ASPM: variants seen among roughly 807,000 people sequenced by gnomAD.
ASPM encodes the protein assembly factor for spindle microtubules.
Under a neutral mutation model 366.4 loss-of-function variants are expected in ASPM, and 256 were observed. That is an observed-to-expected ratio of 0.70 (90% confidence interval 0.63 to 0.77). The LOEUF (loss-of-function observed/expected upper bound fraction) is 0.77, where lower values mean the gene tolerates loss of function less well. ASPM is among the 30% of genes least tolerant of loss of function. The pLI is 0.00. For missense variants in ASPM, 4,146 were observed against 4,090.4 expected (o/e 1.01, Z -0.37); for synonymous variants, 1,414 against 1,342.9 (o/e 1.05, Z -1.16).
chr1:197,122,050 A>C lies in ASPM; in HGVS notation c.3742-7T>G. The C allele has an allele frequency of 6.2e-7, 1 of 1,611,270 alleles. No homozygotes were observed. Among genetic ancestry groups the C allele is most frequent in the Non-Finnish European group, 8.5e-7 (1 of 1,178,114 alleles). On this transcript the variant is annotated splice_region_variant and splice_polypyrimidine_tract_variant and intron_variant, in intron 15 of 27. Coordinates refer to ENST00000367409, the MANE Select transcript of ASPM (RefSeq NM_018136.5). ...ACAAATAGGTAATAACCACCTAAAA[A>C]AAACCCACAAAAGATAAAAACAGAA... is the stretch of plus-strand genomic sequence containing the variant.
chr1:197,128,780 C>T, intron 9 of ASPM, 115 bp from the exon 10 acceptor site: 1 of 843,742 alleles, frequency 1.2e-6, no homozygotes, highest in Non-Finnish European at 1.8e-6. Context: ...TAAAAAGTTT[C>T]ATATTATACA....
intron 12 of ASPM, 42 bp downstream of exon 12, chr1:197,124,828 C>T (rs770490116): frequency 9.0e-6 from 13 of 1,444,972 alleles, no homozygotes; most frequent in Non-Finnish European, 1.3e-5. Context: ...AATCAGTAAT[C>T]AAAATTGATA....
Position 197,122,007 on chromosome 1 carries a change from G to T in ASPM, c.3778C>A (p.Leu1260Ile). The change falls in exon 16 of 28, where the codon CTT becomes ATT. Residue 1260 changes from leucine to isoleucine, a missense_variant. By Grantham distance (5) the Leu-to-Ile change is conservative. Around this residue, in one of 3 missense-constraint regions of ASPM, gnomAD observed 3,624 missense variants for 3,591.7 expected, o/e 1.01. Transcript: ENST00000367409. Reference protein sequence around the residue: ...ITYLSFLCARLLDLRKEIRAA... With the variant: ...ITYLSFLCARILDLRKEIRAA... ...CTTATTTCTTTACGAAGATCCAAAA[G>T]CCTTGCACAAAGAAATGACAAATAG... 6.2e-7 allele frequency: 1 copy of T among 1,612,136 alleles called. No homozygotes were observed. Among genetic ancestry groups the T allele is most frequent in the South Asian group, 1.1e-5 (1 of 91,032 alleles).
In ASPM at chr1:197,104,943, T is replaced by G. The variant is rs758106867; in HGVS notation, c.4308A>C (p.Gln1436His). 3 of 1,612,298 alleles carry G rather than the reference T, an allele frequency of 1.9e-6. No individual in the cohort carries two copies. The South Asian group carries it at 3.3e-5, about 18-fold the overall frequency. The stretch of plus-strand genomic sequence containing the variant: ...CTTTTACTTGTGATTGCATTTTACG[T>G]TGCTTCCATTTTCTGAACATAGATT... Reference protein sequence around the residue: ...IIQSMFRKWKQRKMQSQVKAT... With the variant: ...IIQSMFRKWKHRKMQSQVKAT... The change falls in exon 18 of 28, where the codon CAA becomes CAC. Residue 1436 changes from glutamine to histidine, a missense_variant. By Grantham distance (24) the Gln-to-His change is conservative. Around this residue, in one of 3 missense-constraint regions of ASPM, gnomAD observed 3,624 missense variants for 3,591.7 expected, o/e 1.01. Coordinates refer to ENST00000367409, the MANE Select transcript of ASPM (RefSeq NM_018136.5).
chr1:197,139,453 C>T (rs995574942), intron 4 of ASPM: 14 of 552,728 alleles, frequency 2.5e-5, no homozygotes, highest in Admixed American at 6.3e-5. Flanking sequence ...AAAAATTAGC[C>T]GGGCATGGTC....
At chr1:197,099,598 C>T (rs142764891) in intron 18 of ASPM, among the ~76,000 whole-genome samples, 105 of 151,754 alleles carry the variant, frequency 6.9e-4, no homozygotes, top group African/African-American at 2.5e-3. Flanking sequence ...TATAATTATA[C>T]TTCCTTGTTC....
chr1:197,088,122 C>G, intron 26 of ASPM, 134 bp downstream of exon 26: 1 of 843,156 alleles, frequency 1.2e-6, no homozygotes, highest in Non-Finnish European at 1.9e-6. Flanking sequence ...TTCATTTTAT[C>G]CGTGCAAAAA....
rs757078691 is a variant in ASPM at position 197,103,163 on chromosome 1, C to T, written c.6088G>A (p.Ala2030Thr). ...TTTCTCACTTTCATACCACGATAAG[C>T]TGACTGTAAAGTTACTACAGCTGCT... Reference protein sequence around the residue: ...TKAAVVTLQSAYRGMKVRKRI... With the variant: ...TKAAVVTLQSTYRGMKVRKRI... The change falls in exon 18 of 28, where the codon GCT (alanine) becomes ACT (threonine). Residue 2030 changes from alanine (A) to threonine (T), a missense_variant. Ala to Thr is a moderately conservative substitution (Grantham distance 58). Coordinates refer to ENST00000367409, the MANE Select transcript of ASPM (RefSeq NM_018136.5). 5 of 1,612,646 alleles carry T rather than the reference C, an allele frequency of 3.1e-6. No individual in the cohort carries two copies. The South Asian group carries it at 4.4e-5, about 14-fold the overall frequency.
intron 1 of ASPM, among the ~76,000 whole-genome samples, chr1:197,145,557 AG>A (rs1658738618): frequency 6.6e-6 from 1 of 152,130 alleles, no homozygotes; most frequent in Admixed American, 6.5e-5. Context: ...CTCGACTCTA[AG>A]GGTACATATG....
At position 197,133,504 on chromosome 1, in the gene ASPM, A is replaced by G. The variant is rs775483486; in HGVS notation, c.2265T>C (p.Ala755=). 1.2e-6 allele frequency: 2 copies of G among 1,614,132 alleles called. No homozygotes were observed. The highest frequency in any genetic ancestry group is 1.1e-5 in the South Asian group (1 of 91,080). Residue 755 remains alanine, a synonymous_variant, in exon 6 of 28, where the codon GCT becomes GCC. Coordinates refer to ENST00000367409, the MANE Select transcript of ASPM (RefSeq NM_018136.5). ...TGTTTAACCTACACCGAGCAGTATA[A>G]GCTCTGAGAGACATTTCCTCTTTTG... The part of the protein sequence containing the change: ...APTKEEMSLR[A]YTARCRLNRL...
chr1:197,139,827 T>A lies in ASPM; in HGVS notation c.1966A>T (p.Thr656Ser). The A allele has an allele frequency of 6.2e-7, 1 of 1,612,434 alleles. No homozygotes were observed. The highest frequency in any genetic ancestry group is 8.5e-7 in the Non-Finnish European group (1 of 1,178,538). The stretch of plus-strand genomic sequence containing the variant: ...TGTGCCACAGCGATAATGGGTTTTG[T>A]CCTTTTGTTTGTTTTAGAAATTGGA... ...RTPISKTNKR[T>S]KPIIAVAQSS... Residue 656 changes from threonine (T) to serine (S), a missense_variant, in exon 4 of 28, where the codon ACA becomes TCA. This residue lies in a region of ASPM where 3,624 missense variants were observed against 3,591.7 expected (regional missense o/e 1.01). Coordinates refer to ENST00000367409, the MANE Select transcript of ASPM (RefSeq NM_018136.5).
chr1:197,124,041 A>T, intron 13 of ASPM, 69 bp downstream of exon 13: 2 of 1,345,932 alleles, frequency 1.5e-6, no homozygotes, highest in Non-Finnish European at 2.1e-6. Context: ...TTCAGGCATT[A>T]AGTTTAAGTG....
chr1:197,096,099 T>G lies in ASPM; in HGVS notation c.8886A>C (p.Gln2962His), dbSNP rs533985055. The G allele has an allele frequency of 1.7e-5, 28 of 1,610,190 alleles. No individual in the cohort carries two copies. The African/African-American group carries it at 3.6e-4, about 21-fold the overall frequency. ...LCKVKAACKI[Q>H]AWYRCWRAHK... The stretch of plus-strand genomic sequence containing the variant: ...GTGCTCTCCAACATCTATACCAGGC[T>G]TGAATCTTGCAGGCAGCTTTCACTT... The change falls in exon 19 of 28, where the codon CAA becomes CAC. Residue 2962 changes from glutamine (Q) to histidine (H), a missense_variant. Gln to His is a conservative substitution (Grantham distance 24). This residue lies in a region of ASPM where 3,624 missense variants were observed against 3,591.7 expected (regional missense o/e 1.01). Transcript: ENST00000367409.
At chr1:197,097,145 C>G (rs887327912) in intron 18 of ASPM, among the ~76,000 whole-genome samples, 1 of 151,714 alleles carries the variant, frequency 6.6e-6, no homozygotes, top group Non-Finnish European at 1.5e-5. Context: ...GGCTAGTGAG[C>G]CTTATCTCTC....
Position 197,124,121 on chromosome 1 carries a change from A to G in ASPM, c.3379T>C (p.Tyr1127His). The G allele has an allele frequency of 6.2e-7, 1 of 1,608,892 alleles. No individual in the cohort carries two copies. Among genetic ancestry groups the G allele is most frequent in the Non-Finnish European group, 8.5e-7 (1 of 1,176,198 alleles). The change falls in exon 13 of 28, where the codon TAT (tyrosine) becomes CAT (histidine). Residue 1127 changes from tyrosine to histidine, a missense_variant. Physicochemically the swap from Tyr to His is moderately conservative, Grantham distance 83 (BLOSUM62 2). This residue lies in a region of ASPM where 3,624 missense variants were observed against 3,591.7 expected (regional missense o/e 1.01). Transcript: ENST00000367409. ...MDWVNAVCAF[Y>H]NKKVENFTVS... is the part of the protein sequence containing the mutation. ...ACAAAGAAACTTACCTTTTTATTAT[A>G]GAAGGCACAAACAGCATTTACCCAA...
chr1:197,096,320 G>A (rs1656975526), intron 18 of ASPM, among the ~76,000 whole-genome samples, 156 bp from the exon 19 acceptor site: 1 of 151,762 alleles, frequency 6.6e-6, no homozygotes, highest in African/African-American at 2.4e-5. Context: ...GACATGTAAT[G>A]AGTCTTCTGA....
At position 197,101,821 on chromosome 1, in the gene ASPM, A is replaced by G; in HGVS notation, c.7430T>C (p.Leu2477Ser). The G allele has an allele frequency of 6.2e-7, 1 of 1,612,824 alleles. No individual in the cohort carries two copies. Among genetic ancestry groups the G allele is most frequent in the Non-Finnish European group, 8.5e-7 (1 of 1,179,312 alleles). ...SYRRLMVKKKLQEMQRAAVLI... is the reference protein window; with the variant it reads ...SYRRLMVKKKSQEMQRAAVLI... ...AACTGCAGCCCTTTGCATTTCTTGT[A>G]ACTTCTTCTTTACCATCAGTCTTCT... The change falls in exon 18 of 28, where the codon TTA becomes TCA. Residue 2477 changes from leucine (L) to serine (S), a missense_variant. This residue lies in a region of ASPM where 3,624 missense variants were observed against 3,591.7 expected (regional missense o/e 1.01). Coordinates refer to ENST00000367409, the MANE Select transcript of ASPM (RefSeq NM_018136.5).
chr1:197,109,193 G>A (rs1000644749), intron 17 of ASPM, among the ~76,000 whole-genome samples: 1 of 53,186 alleles, frequency 1.9e-5, no homozygotes, highest in South Asian at 1.1e-3. Context: ...AATAATTAAA[G>A]ACAAAATAAT....
At chr1:197,127,453 T>A (rs1335104697) in intron 10 of ASPM, among the ~76,000 whole-genome samples, 1 of 152,160 alleles carries the variant, frequency 6.6e-6, no homozygotes, top group African/African-American at 2.4e-5. Flanking sequence ...ACTTCCTAAA[T>A]ACACAGAGAA....
Sources: gnomAD v4.1 joint callset for allele counts (sites outside exome capture counted in the v4.1 genomes callset) on GRCh38, gnomAD v4.1.1 for gene constraint, gnomAD v4.1.1 regional missense constraint, MANE v1.5 for transcripts, NCBI Gene and HGNC (gene_info 2026-07-23, HGNC 2026-07-21) for gene names.